RCAN2: variants seen among roughly 807,000 people sequenced by gnomAD.
The protein encoded by RCAN2 is regulator of calcineurin 2, also known as calcipressin-2.
A neutral mutation model predicts 23.6 loss-of-function variants in RCAN2; 9 were observed. The ratio of observed to expected loss-of-function variants is 0.38; its 90% CI spans 0.23 to 0.67. RCAN2 has a LOEUF of 0.67. Among genes scored for constraint, RCAN2 ranks in the 30% least tolerant of loss-of-function variants. The pLI is 0.51. For synonymous variants in RCAN2, 109 were observed against 115.7 expected (o/e 0.94, Z 0.37); for missense variants, 273 against 302.3 (o/e 0.90, Z 0.72).
At chr6:46,397,879 T>C (rs1215743569) in intron 2 of RCAN2, among the ~76,000 whole-genome samples, 1 of 152,188 alleles carries the variant, frequency 6.6e-6, no homozygotes, top group Non-Finnish European at 1.5e-5. Context: ...AAATTTTGCA[T>C]TCTCTTTGGT....
chr6:46,436,786 G>A (rs1036132947), intron 2 of RCAN2, among the ~76,000 whole-genome samples: 2 of 152,174 alleles, frequency 1.3e-5, no homozygotes, highest in Non-Finnish European at 2.9e-5. Context: ...ACTGATAGAT[G>A]CTAAGGCCCT....
intron 2 of RCAN2, among the ~76,000 whole-genome samples, chr6:46,313,956 C>A (rs545021828): frequency 1.3e-5 from 2 of 152,194 alleles, no homozygotes; most frequent in African/African-American, 4.8e-5. Flanking sequence ...CTATCTTGCT[C>A]ATTAATAATT....
chr6:46,418,737 G>T (rs1446355130), intron 2 of RCAN2, among the ~76,000 whole-genome samples: 3 of 129,122 alleles, frequency 2.3e-5, no homozygotes, highest in Admixed American at 8.0e-5. Context: ...ATATACAGTT[G>T]CAGGTAAATG....
intron 2 of RCAN2, among the ~76,000 whole-genome samples, chr6:46,341,322 C>A (rs1383008211): frequency 6.6e-6 from 1 of 152,058 alleles, no homozygotes; most frequent in East Asian, 1.9e-4. Flanking sequence ...TTTTGGCTTC[C>A]CTGGGCCACA....
intron 2 of RCAN2, among the ~76,000 whole-genome samples, chr6:46,421,403 C>T (rs1486792038): frequency 2.0e-5 from 3 of 152,054 alleles, no homozygotes; most frequent in Non-Finnish European, 4.4e-5. Context: ...GAGACAAAAA[C>T]GCCAAAAGGA....
intron 2 of RCAN2, among the ~76,000 whole-genome samples, chr6:46,259,769 T>C (rs1056559286): frequency 1.3e-5 from 2 of 152,194 alleles, no homozygotes; most frequent in Non-Finnish European, 2.9e-5. Context: ...TAGTTATAAA[T>C]TGGAAGTTCC....
At chr6:46,228,257 T>C (rs1424865331) in intron 4 of RCAN2, among the ~76,000 whole-genome samples, 1 of 152,310 alleles carries the variant, frequency 6.6e-6, no homozygotes, top group Admixed American at 6.5e-5. Context: ...TTCTGTTGAT[T>C]TGGGGTGGAG....
chr6:46,432,400 A>T (rs1767237741), intron 2 of RCAN2, among the ~76,000 whole-genome samples: 1 of 151,964 alleles, frequency 6.6e-6, no homozygotes, highest in South Asian at 2.1e-4. Context: ...TTTAGTAGAG[A>T]TGGAGTTTCT....
At chr6:46,398,995 A>G (rs1766171762) in intron 2 of RCAN2, among the ~76,000 whole-genome samples, 2 of 151,898 alleles carry the variant, frequency 1.3e-5, no homozygotes, top group South Asian at 4.1e-4. Context: ...ATACTTATTT[A>G]AGGAGCATAC....
At chr6:46,454,286 A>G (rs1302149344) in intron 2 of RCAN2, among the ~76,000 whole-genome samples, 2 of 152,226 alleles carry the variant, frequency 1.3e-5, no homozygotes, top group Non-Finnish European at 2.9e-5. Context: ...GTTTTTTAAA[A>G]AGGAGGTTAA....
chr6:46,295,343 A>G (rs993793536), intron 2 of RCAN2, among the ~76,000 whole-genome samples: 8 of 152,126 alleles, frequency 5.3e-5, no homozygotes, highest in African/African-American at 1.7e-4. Flanking sequence ...GGTAGGAGAG[A>G]CATAGAGATG....
chr6:46,311,596 G>A (rs1322171693), intron 2 of RCAN2, among the ~76,000 whole-genome samples: 5 of 152,170 alleles, frequency 3.3e-5, no homozygotes, highest in African/African-American at 7.2e-5. Context: ...CTACCGGGCC[G>A]TAATCTCTCC....
intron 4 of RCAN2, among the ~76,000 whole-genome samples, chr6:46,231,598 C>T (rs896671369): frequency 9.2e-5 from 14 of 151,970 alleles, no homozygotes; most frequent in Middle Eastern, 3.2e-3. Flanking sequence ...TTAGTAGAGA[C>T]GGAGTTTCAC....
At chr6:46,436,952 A>C (rs376347516) in intron 2 of RCAN2, among the ~76,000 whole-genome samples, 1 of 152,166 alleles carries the variant, frequency 6.6e-6, no homozygotes, top group South Asian at 2.1e-4. Context: ...GTAGGCACCA[A>C]TGCCTTCAGT....
intron 1 of RCAN2, among the ~76,000 whole-genome samples, chr6:46,474,968 C>T (rs1177914599): frequency 1.3e-5 from 2 of 152,168 alleles, no homozygotes; most frequent in Admixed American, 1.3e-4. Context: ...TTTTCTAAAT[C>T]AGGAAGTTGC....
intron 2 of RCAN2, among the ~76,000 whole-genome samples, chr6:46,386,978 C>T (rs1279411588): frequency 6.6e-6 from 1 of 152,072 alleles, no homozygotes; most frequent in African/African-American, 2.4e-5. Context: ...CTTTGACAAA[C>T]CTGACAAAAA....
chr6:46,260,578 A>G (rs1387361951), intron 2 of RCAN2, among the ~76,000 whole-genome samples: 2 of 152,176 alleles, frequency 1.3e-5, no homozygotes, highest in Non-Finnish European at 2.9e-5. Flanking sequence ...TTGCATGCCT[A>G]GGGCTCTTGT....
chr6:46,428,994 T>TAAAA (rs1767113233), intron 2 of RCAN2, among the ~76,000 whole-genome samples: 1 of 152,190 alleles, frequency 6.6e-6, no homozygotes, highest in East Asian at 1.9e-4. Flanking sequence ...ATGTAGAAGG[T>TAAAA]AAAAGGTAGA....
chr6:46,490,502 G>A (rs897611061), intron 1 of RCAN2, among the ~76,000 whole-genome samples: 1 of 152,158 alleles, frequency 6.6e-6, no homozygotes, highest in African/African-American at 2.4e-5. Flanking sequence ...ACCTGGAGGC[G>A]GCCGAGGGAT....
Sources: allele counts gnomAD v4.1 joint callset (sites outside exome capture counted in the v4.1 genomes callset), GRCh38; gene constraint gnomAD v4.1.1; transcripts MANE v1.5; gene names NCBI Gene and HGNC (gene_info 2026-07-23, HGNC 2026-07-21).